Variants in FGF14 observed in about 807,000 individuals in gnomAD.
The protein encoded by FGF14 is fibroblast growth factor homologous factor 4.
In FGF14, 5 loss-of-function variants were observed where a neutral mutation model predicts 25.5. That is an observed-to-expected ratio of 0.20 (90% confidence interval 0.10 to 0.41). The LOEUF (loss-of-function observed/expected upper bound fraction) is 0.41. Ranked by LOEUF, FGF14 falls within the 10% of genes least tolerant of loss-of-function variation. The pLI, the probability that FGF14 is intolerant of heterozygous loss-of-function variation, is 1.00. For missense variants in FGF14, 222 were observed against 320.1 expected, an observed-to-expected ratio of 0.69 and a Z score of 2.34; for synonymous variants, 138 against 118.3, an observed-to-expected ratio of 1.17 and a Z score of -1.08.
At chr13:102,159,139 C>CAAAA (rs1228096265) in intron 1 of FGF14, among the ~76,000 whole-genome samples, 5 of 74,046 alleles carry the variant, frequency 6.8e-5, no homozygotes, top group African/African-American at 2.0e-4. Context: ...GACTCTGTCT[C>CAAAA]AAAAAAAAAA....
At chr13:101,979,397 G>A (rs565080722) in intron 1 of FGF14, among the ~76,000 whole-genome samples, 1 of 152,178 alleles carries the variant, frequency 6.6e-6, no homozygotes, top group Non-Finnish European at 1.5e-5. Flanking sequence ...GAAAGGAACA[G>A]ATGTTTTACT....
chr13:101,915,398 G>C (rs2033364605), intron 1 of FGF14, among the ~76,000 whole-genome samples: 1 of 152,126 alleles, frequency 6.6e-6, no homozygotes, highest in African/African-American at 2.4e-5. Flanking sequence ...GTAATGTGCT[G>C]GGCAAACATA....
At chr13:102,027,248 CATAT>C (rs1183022678) in intron 1 of FGF14, among the ~76,000 whole-genome samples, 1 of 151,158 alleles carries the variant, frequency 6.6e-6, no homozygotes, top group African/African-American at 2.4e-5. Context: ...TACACACACA[CATAT>C]ATTTATAAAA....
At chr13:102,365,332 G>A (rs1364175260) in intron 1 of FGF14, among the ~76,000 whole-genome samples, 1 of 151,998 alleles carries the variant, frequency 6.6e-6, no homozygotes, top group African/African-American at 2.4e-5. Flanking sequence ...GAAATGGAAA[G>A]ATCTGAAGTC....
intron 1 of FGF14, among the ~76,000 whole-genome samples, chr13:101,899,193 A>G (rs2031180830): frequency 7.4e-6 from 1 of 134,380 alleles, no homozygotes; most frequent in South Asian, 2.2e-4. Context: ...TTCTGCCCCA[A>G]CTGTAATAAA....
chr13:101,779,699 C>T (rs1455931413), intron 3 of FGF14, among the ~76,000 whole-genome samples: 1 of 152,088 alleles, frequency 6.6e-6, no homozygotes, highest in Non-Finnish European at 1.5e-5. Context: ...CTGAATATTG[C>T]ACTGAACACT....
intron 1 of FGF14, among the ~76,000 whole-genome samples, chr13:102,348,005 T>TA (rs138743657): frequency 1.6e-3 from 201 of 126,302 alleles, no homozygotes; most frequent in Middle Eastern, 4.3e-3. Flanking sequence ...ATTTTCTGGG[T>TA]AAAAAAAAAA....
chr13:101,995,813 T>C (rs948723933), intron 1 of FGF14, among the ~76,000 whole-genome samples: 1 of 152,022 alleles, frequency 6.6e-6, no homozygotes, highest in African/African-American at 2.4e-5. Context: ...ATTAAAACAA[T>C]TGAACTCATG....
chr13:101,847,927 T>C (rs1017366645), intron 3 of FGF14, among the ~76,000 whole-genome samples: 1 of 151,986 alleles, frequency 6.6e-6, no homozygotes, highest in African/African-American at 2.4e-5. Flanking sequence ...GATTAAAATG[T>C]AGTCTACCTT....
chr13:101,891,697 CATAT>C (rs1465376072), intron 1 of FGF14, among the ~76,000 whole-genome samples: 1 of 151,934 alleles, frequency 6.6e-6, no homozygotes, highest in African/African-American at 2.4e-5. Flanking sequence ...TACATACATA[CATAT>C]ACAAATATAC....
intron 3 of FGF14, among the ~76,000 whole-genome samples, chr13:101,740,845 A>T (rs1366060917): frequency 1.3e-5 from 2 of 152,096 alleles, no homozygotes; most frequent in Non-Finnish European, 1.5e-5. Context: ...GTACCAAATT[A>T]CTTCAGAAAT....
At chr13:102,219,834 C>G (rs1248763611) in intron 1 of FGF14, among the ~76,000 whole-genome samples, 1 of 152,058 alleles carries the variant, frequency 6.6e-6, no homozygotes, top group Non-Finnish European at 1.5e-5. Context: ...GAAACCTAAC[C>G]CAGGGACATT....
chr13:101,990,752 A>G (rs1216054666), intron 1 of FGF14, among the ~76,000 whole-genome samples: 1 of 152,120 alleles, frequency 6.6e-6, no homozygotes, highest in African/African-American at 2.4e-5. Flanking sequence ...TCCATTAGCT[A>G]CAAATAATAT....
At chr13:101,949,138 A>G (rs1265249524) in intron 1 of FGF14, among the ~76,000 whole-genome samples, 1 of 152,166 alleles carries the variant, frequency 6.6e-6, no homozygotes, top group African/African-American at 2.4e-5. Context: ...GTTTAGGTTA[A>G]TATTTCTAAA....
intron 1 of FGF14, among the ~76,000 whole-genome samples, chr13:102,214,366 C>T (rs2050280518): frequency 6.6e-6 from 1 of 152,096 alleles, no homozygotes; most frequent in Admixed American, 6.6e-5. Flanking sequence ...TACTTTGAGG[C>T]TCTAAACCAT....
chr13:101,842,583 C>T (rs770385329), intron 3 of FGF14, among the ~76,000 whole-genome samples: 5 of 151,918 alleles, frequency 3.3e-5, no homozygotes, highest in Non-Finnish European at 7.4e-5. Flanking sequence ...AATGTTCAAA[C>T]TACTCTGAGA....
chr13:101,922,784 C>T (rs1006998360), intron 1 of FGF14, among the ~76,000 whole-genome samples: 25 of 150,660 alleles, frequency 1.7e-4, no homozygotes, highest in Non-Finnish European at 3.0e-4. Context: ...GTTTGCCTTC[C>T]AAGTAGATAA....
At chr13:102,350,309 T>C (rs1473262526) in intron 1 of FGF14, among the ~76,000 whole-genome samples, 2 of 151,908 alleles carry the variant, frequency 1.3e-5, no homozygotes, top group Non-Finnish European at 2.9e-5. Flanking sequence ...TTTGAGGTTG[T>C]TGTGAGCTAT....
intron 1 of FGF14, among the ~76,000 whole-genome samples, chr13:102,247,137 A>C (rs2051916104): frequency 6.6e-6 from 1 of 152,182 alleles, no homozygotes; most frequent in Non-Finnish European, 1.5e-5. Flanking sequence ...TAACCCTGGA[A>C]GACAACCTAG....
Sources: gnomAD v4.1 joint callset for allele counts (sites outside exome capture counted in the v4.1 genomes callset) on GRCh38, gnomAD v4.1.1 for gene constraint, MANE v1.5 for transcripts, NCBI Gene and HGNC (gene_info 2026-07-23, HGNC 2026-07-21) for gene names.